MIGA1: variants seen among roughly 807,000 people sequenced by gnomAD.
MIGA1 encodes the protein family with sequence similarity 73, member A.
MIGA1 carries 58 observed loss-of-function variants against 82.0 expected under a neutral mutation model. The observed-to-expected ratio is 0.71, with a 90% CI of 0.57 to 0.88. MIGA1 has a LOEUF of 0.88. Among genes scored for constraint, MIGA1 ranks in the 40% least tolerant of loss-of-function variants. The pLI is 0.00. For missense variants in MIGA1, 751 were observed against 749.1 expected (o/e 1.00, Z -0.03); for synonymous variants, 249 against 253.6 (o/e 0.98, Z 0.17).
intron 2 of MIGA1, among the ~76,000 whole-genome samples, chr1:77,791,981 T>C (rs557642890): frequency 1.3e-5 from 2 of 152,220 alleles, no homozygotes; most frequent in African/African-American, 4.8e-5. Flanking sequence ...TTTGGTATTG[T>C]CACTTCAAAA....
intron 4 of MIGA1, among the ~76,000 whole-genome samples, chr1:77,804,537 A>G (rs1012543995): frequency 2.0e-5 from 3 of 151,972 alleles, no homozygotes; most frequent in Non-Finnish European, 2.9e-5. Flanking sequence ...ACATAGAGAA[A>G]CTTTGTCTCT....
At position 77,866,512 on chromosome 1, in the gene MIGA1, C is replaced by T. The variant is rs1685674210; in HGVS notation, c.1563+121C>T. 15 of 899,508 alleles carry T rather than the reference C, an allele frequency of 1.7e-5. No individual in the cohort carries two copies. In the South Asian group the frequency reaches 2.0e-4, roughly 12 times the overall value. The allele number at this position is 899,508 out of a possible 1,614,324, so 55.7% of individuals were successfully genotyped here. A position where few individuals can be genotyped will look rare whatever the true frequency, so the allele number is the denominator to read the frequency against. ...GTAGGAGGGGTAGGAGGGACTGTCCCTCAGGCTAGATGAGTGACTTACTGG... is the reference window on the plus strand; with the variant it reads ...GTAGGAGGGGTAGGAGGGACTGTCCTTCAGGCTAGATGAGTGACTTACTGG... On this transcript the variant is annotated intron_variant, in intron 14 of 15. Transcript: ENST00000370791.
rs761346045 is a variant in MIGA1 at position 77,875,080 on chromosome 1, T to C, written c.*16T>C. ...AGTACAATAAGTACCATAAGAATCA[T>C]ACAATTTGAGTGTGCTATGAAATAT... On this transcript the variant is annotated 3_prime_UTR_variant, in exon 16 of 16. Coordinates refer to ENST00000370791, the MANE Select transcript of MIGA1 (RefSeq NM_198549.4). The C allele has an allele frequency of 4.1e-5, 64 of 1,560,532 alleles. No individual in the cohort carries two copies. The highest frequency in any genetic ancestry group is 5.4e-5 in the Non-Finnish European group (61 of 1,133,094).
intron 12 of MIGA1, among the ~76,000 whole-genome samples, chr1:77,863,522 A>T (rs1053608747): frequency 6.6e-6 from 1 of 152,202 alleles, no homozygotes; most frequent in Non-Finnish European, 1.5e-5. Context: ...TAGTATGTAG[A>T]GTGTGTATGT....
chr1:77,838,575 G>C (rs1327369993), intron 7 of MIGA1, among the ~76,000 whole-genome samples: 3 of 152,060 alleles, frequency 2.0e-5, no homozygotes, highest in Non-Finnish European at 4.4e-5. Flanking sequence ...AGACTCCTAA[G>C]TAGCTGGGGT....
chr1:77,870,002 C>T (rs867064262), intron 14 of MIGA1, among the ~76,000 whole-genome samples: 3,515 of 134,192 alleles, frequency 0.026, 124 homozygotes, highest in Admixed American at 0.11. Context: ...GGCGACTGGC[C>T]GGGCAGAGGG....
intron 7 of MIGA1, among the ~76,000 whole-genome samples, chr1:77,817,955 ATTTTTTTTTTT>A (rs10676009): frequency 1.0e-3 from 120 of 115,600 alleles, no homozygotes; most frequent in African/African-American, 3.8e-3. Context: ...AGATTGGAAG[ATTTTTTTTTTT>A]TTTTTTTTTG....
intron 12 of MIGA1, chr1:77,861,898 TG>T (rs2101942999): frequency 6.6e-6 from 1 of 152,080 alleles, no homozygotes; most frequent in African/African-American, 2.4e-5. Flanking sequence ...CCCAGCACTT[TG>T]GGAGGCTGAG....
At position 77,861,244 on chromosome 1, in the gene MIGA1, T is replaced by A. The variant is rs1487151644; in HGVS notation, c.1296T>A (p.Asp432Glu). 6 of 1,611,488 alleles carry A rather than the reference T, an allele frequency of 3.7e-6. No individual in the cohort carries two copies. Among genetic ancestry groups the A allele is most frequent in the Non-Finnish European group, 4.2e-6 (5 of 1,178,134 alleles). The change falls in exon 12 of 16, where the codon GAT (aspartate) becomes GAA (glutamate). Residue 432 changes from aspartate to glutamate, a missense_variant. Around this residue, in one of 3 missense-constraint regions of MIGA1, gnomAD observed 265 missense variants for 293.6 expected, o/e 0.90. Transcript: ENST00000370791. ...TTCAGAATCCAAAGAAGTTTGAAGA[T>A]GTTTTTGATGAAATGATCTATTTTT...
intron 10 of MIGA1, 26 bp downstream of exon 10, chr1:77,859,412 C>T: frequency 6.6e-7 from 1 of 1,519,640 alleles, no homozygotes; most frequent in African/African-American, 1.4e-5. Flanking sequence ...TAAGTGACTT[C>T]ACCCAGCCAC....
intron 7 of MIGA1, among the ~76,000 whole-genome samples, chr1:77,822,061 A>G (rs1376774650): frequency 1.3e-5 from 2 of 152,022 alleles, no homozygotes; most frequent in Non-Finnish European, 2.9e-5. Context: ...ATACACACAC[A>G]ATCACTCTAT....
At chr1:77,803,149 G>A in intron 3 of MIGA1, 121 bp from the exon 4 acceptor site, 2 of 450,714 alleles carry the variant, frequency 4.4e-6, no homozygotes, top group South Asian at 1.7e-4. Context: ...ACACAAGTGA[G>A]TGATGCATGT....
intron 7 of MIGA1, among the ~76,000 whole-genome samples, chr1:77,842,495 G>A (rs1557922978): frequency 6.6e-6 from 1 of 152,174 alleles, no homozygotes. Flanking sequence ...AGTTTTTAAA[G>A]TAGGTCTCAT....
intron 3 of MIGA1, among the ~76,000 whole-genome samples, chr1:77,802,863 T>A (rs1265206952): frequency 6.6e-6 from 1 of 152,120 alleles, no homozygotes; most frequent in Admixed American, 6.5e-5. Context: ...GAAGTATAAC[T>A]AATTTCAATG....
At chr1:77,854,315 A>G (rs1200585981) in intron 8 of MIGA1, among the ~76,000 whole-genome samples, 1 of 152,134 alleles carries the variant, frequency 6.6e-6, no homozygotes, top group Non-Finnish European at 1.5e-5. Context: ...TGGTTCTACA[A>G]TTTTGATTCA....
Position 77,877,015 on chromosome 1 carries a change from CCTT to C in MIGA1, c.*1955_*1957del, listed in dbSNP as rs957284675. 4.3e-4 allele frequency: 66 copies of C among 151,982 alleles called. No individual in the cohort carries two copies. The highest frequency in any genetic ancestry group is 1.5e-3 in the African/African-American group (64 of 41,356). The allele number at this position is 151,982 out of a possible 1,614,324, so 9.4% of individuals were successfully genotyped here. ...AGGACCTAAAATGCATTGTTTTTTGCCTTCTTTTAAGAGATGGGGTCTCGCTCT... is the reference window on the plus strand; with the variant it reads ...AGGACCTAAAATGCATTGTTTTTTGCCTTTTAAGAGATGGGGTCTCGCTCT... On this transcript the variant is annotated 3_prime_UTR_variant, in exon 16 of 16. Transcript: ENST00000370791.
chr1:77,847,922 A>G, intron 8 of MIGA1: 1 of 1,425,124 alleles, frequency 7.0e-7, no homozygotes, highest in Non-Finnish European at 9.9e-7. Flanking sequence ...TAAAGAAACT[A>G]GAGTGAACTG....
rs1173526398 is a variant in MIGA1, at chr1:77,875,558, G to A, written c.*494G>A. The A allele has an allele frequency of 6.4e-6, 1 of 157,312 alleles. No homozygotes were observed. Among genetic ancestry groups the A allele is most frequent in the Non-Finnish European group, 1.4e-5 (1 of 71,194 alleles). The allele number at this position is 157,312 out of a possible 1,614,324, so 9.7% of individuals were successfully genotyped here. On this transcript the variant is annotated 3_prime_UTR_variant, in exon 16 of 16. Coordinates refer to ENST00000370791, the MANE Select transcript of MIGA1 (RefSeq NM_198549.4). ...TGTTTAATCAAGTTTAGGCAGTAAT[G>A]ATGTTTAATATGTACTGCATACATT...
chr1:77,847,983 A>G (rs1684906881), intron 8 of MIGA1: 18 of 1,226,362 alleles, frequency 1.5e-5, no homozygotes, highest in East Asian at 2.3e-5. Flanking sequence ...CAAGCACCAC[A>G]GGAATCAAAA....
Sources: allele counts gnomAD v4.1 joint callset (sites outside exome capture counted in the v4.1 genomes callset), GRCh38; gene constraint gnomAD v4.1.1; regional missense constraint gnomAD v4.1.1; transcripts MANE v1.5; gene names NCBI Gene and HGNC (gene_info 2026-07-23, HGNC 2026-07-21).